The following TMEM132C variants were observed in gnomAD, a reference collection of about 807,000 sequenced individuals.
TMEM132C encodes the protein transmembrane protein 132C, also known as protein phosphatase 1, regulatory subunit 152.
A neutral mutation model predicts 61.4 loss-of-function variants in TMEM132C; 29 were observed. That is an observed-to-expected ratio of 0.47 (90% confidence interval 0.35 to 0.64). The LOEUF (loss-of-function observed/expected upper bound fraction) is 0.64, where lower values mean the gene tolerates loss of function less well. Among genes scored for constraint, TMEM132C ranks in the 30% least tolerant of loss-of-function variants. TMEM132C has a pLI of 0.00. For synonymous variants in TMEM132C, 656 were observed against 633.1 expected (o/e 1.04, Z -0.54); for missense variants, 1,408 against 1,476.9 (o/e 0.95, Z 0.76).
At position 128,705,832 on chromosome 12, in the gene TMEM132C, A is replaced by G; in HGVS notation, c.2864A>G (p.Lys955Arg). The G allele has an allele frequency of 6.4e-7, 1 of 1,551,712 alleles. No homozygotes were observed. The highest frequency in any genetic ancestry group is 8.7e-7 in the Non-Finnish European group (1 of 1,147,050). Residue 955 changes from lysine (K) to arginine (R), a missense_variant, in exon 9 of 9, where the codon AAG becomes AGG. Physicochemically the swap from Lys to Arg is conservative, Grantham distance 26 (BLOSUM62 2). Coordinates refer to ENST00000435159, the MANE Select transcript of TMEM132C (RefSeq NM_001136103.3). ...CATFALKYRH[K>R]QVPLEGQASM... The stretch of plus-strand genomic sequence containing the variant: ...ACCTTTGCCCTGAAGTACAGGCACA[A>G]GCAAGTGCCCCTGGAAGGTCAGGCC...
intron 2 of TMEM132C, among the ~76,000 whole-genome samples, chr12:128,473,315 CCTCT>C (rs1279362230): frequency 4.7e-5 from 3 of 63,916 alleles, no homozygotes; most frequent in South Asian, 5.7e-4. Context: ...TTCACTCCAG[CCTCT>C]ATCTTCATCT....
At chr12:128,359,009 G>A (rs541854360) in intron 1 of TMEM132C, among the ~76,000 whole-genome samples, 2 of 152,134 alleles carry the variant, frequency 1.3e-5, no homozygotes, top group Non-Finnish European at 2.9e-5. Flanking sequence ...AACACATCCA[G>A]TGCTCCCAGC....
intron 3 of TMEM132C, among the ~76,000 whole-genome samples, chr12:128,571,506 G>A (rs1874882368): frequency 6.6e-6 from 1 of 152,118 alleles, no homozygotes; most frequent in Non-Finnish European, 1.5e-5. Context: ...CCTCCAAAAT[G>A]TTGTTTTATC....
At chr12:128,409,604 T>A (rs1054434108) in intron 1 of TMEM132C, among the ~76,000 whole-genome samples, 1 of 152,152 alleles carries the variant, frequency 6.6e-6, no homozygotes, top group Admixed American at 6.5e-5. Context: ...AAGATTTTTT[T>A]AAAAAACACT....
chr12:128,655,177 G>T (rs1566004625), intron 4 of TMEM132C, among the ~76,000 whole-genome samples: 1 of 152,218 alleles, frequency 6.6e-6, no homozygotes, highest in East Asian at 1.9e-4. Flanking sequence ...AGCCTGGTCT[G>T]CTCCGTCAGG....
chr12:128,602,301 T>C (rs1320215724), intron 3 of TMEM132C, among the ~76,000 whole-genome samples: 34 of 152,246 alleles, frequency 2.2e-4, no homozygotes. Flanking sequence ...AAACAATCTG[T>C]GCAGCCCTAT....
intron 1 of TMEM132C, among the ~76,000 whole-genome samples, chr12:128,280,188 C>A (rs757743897): frequency 2.0e-5 from 3 of 152,202 alleles, no homozygotes; most frequent in Admixed American, 6.5e-5. Context: ...AGAATGGAGC[C>A]TGTCTTCATC....
chr12:128,283,333 G>A (rs1296416932), intron 1 of TMEM132C, among the ~76,000 whole-genome samples: 1 of 152,096 alleles, frequency 6.6e-6, no homozygotes, highest in Non-Finnish European at 1.5e-5. Flanking sequence ...CCCCAGTTTT[G>A]GAATCAGTTC....
intron 2 of TMEM132C, among the ~76,000 whole-genome samples, chr12:128,455,700 A>G (rs868765081): frequency 6.6e-6 from 1 of 152,204 alleles, no homozygotes; most frequent in Non-Finnish European, 1.5e-5. Flanking sequence ...CATCCATTGT[A>G]TTGGTGTTTA....
At chr12:128,305,086 G>A (rs559831468) in intron 1 of TMEM132C, among the ~76,000 whole-genome samples, 28 of 151,914 alleles carry the variant, frequency 1.8e-4, no homozygotes, top group Admixed American at 4.6e-4. Flanking sequence ...CTTTAAAAGC[G>A]TTGCGTATTA....
intron 5 of TMEM132C, among the ~76,000 whole-genome samples, chr12:128,686,990 G>C (rs1239950779): frequency 1.3e-5 from 2 of 151,716 alleles, no homozygotes; most frequent in Non-Finnish European, 2.9e-5. Context: ...TGAGGCCAAG[G>C]GTTTGAGACC....
chr12:128,401,121 T>C (rs1222296155), intron 1 of TMEM132C, among the ~76,000 whole-genome samples: 1 of 152,206 alleles, frequency 6.6e-6, no homozygotes, highest in Non-Finnish European at 1.5e-5. Flanking sequence ...CCTGTTTTGG[T>C]ACAGGCTGCA....
chr12:128,338,981 C>G lies in TMEM132C; in HGVS notation c.85+71494C>G, dbSNP rs541333160. Among the ~76,000 whole-genome samples the G allele has an allele frequency of 1.1e-4, 16 of 152,156 alleles. No individual in the cohort carries two copies. In the East Asian group the frequency reaches 2.9e-3, roughly 28 times the overall value. The stretch of plus-strand genomic sequence containing the variant: ...CAGGAGATCCTTAAGGAGGACTTAA[C>G]TTAAGCATTTAAGGTTCTTCTGTGT... On this transcript the variant is annotated intron_variant, in intron 1 of 8. Coordinates refer to ENST00000435159, the MANE Select transcript of TMEM132C (RefSeq NM_001136103.3).
intron 2 of TMEM132C, among the ~76,000 whole-genome samples, chr12:128,429,724 C>T (rs1458929110): frequency 2.0e-5 from 3 of 152,188 alleles, no homozygotes; most frequent in Non-Finnish European, 4.4e-5. Context: ...GCTTTGATAA[C>T]ATCAGAGAGG....
intron 1 of TMEM132C, among the ~76,000 whole-genome samples, chr12:128,411,924 G>C (rs1565928225): frequency 6.6e-6 from 1 of 152,076 alleles, no homozygotes; most frequent in South Asian, 2.1e-4. Flanking sequence ...GAGACACCAG[G>C]CTCCCGGGTT....
At chr12:128,267,707 C>T (rs1039748378) in intron 1 of TMEM132C, among the ~76,000 whole-genome samples, 5 of 152,144 alleles carry the variant, frequency 3.3e-5, no homozygotes, top group African/African-American at 1.2e-4. Flanking sequence ...GTCCCGAGTC[C>T]CGAATCTCCC....
intron 1 of TMEM132C, among the ~76,000 whole-genome samples, chr12:128,388,526 G>A (rs958087929): frequency 6.6e-6 from 1 of 152,212 alleles, no homozygotes; most frequent in Non-Finnish European, 1.5e-5. Flanking sequence ...GGCCAGTGAG[G>A]CCCCCTGGGC....
chr12:128,295,900 A>G (rs576191082), intron 1 of TMEM132C, among the ~76,000 whole-genome samples: 2 of 152,276 alleles, frequency 1.3e-5, no homozygotes, highest in East Asian at 3.9e-4. Flanking sequence ...TCTTGAAGAC[A>G]TGGGCCTTTC....
chr12:128,313,258 A>G (rs1285447862), intron 1 of TMEM132C, among the ~76,000 whole-genome samples: 1 of 152,220 alleles, frequency 6.6e-6, no homozygotes, highest in Non-Finnish European at 1.5e-5. Flanking sequence ...TCTCCTGCAC[A>G]TATGATAGGA....
Sources: allele counts gnomAD v4.1 joint callset (sites outside exome capture counted in the v4.1 genomes callset), GRCh38; gene constraint gnomAD v4.1.1; transcripts MANE v1.5; gene names NCBI Gene and HGNC (gene_info 2026-07-23, HGNC 2026-07-21).